Variants in UGT2B7 observed in about 807,000 individuals in gnomAD.
UGT2B7 encodes UDP-glucuronosyltransferase 2B7.
Under a neutral mutation model 51.9 loss-of-function variants are expected in UGT2B7, and 51 were observed. The observed-to-expected ratio is 0.98, with a 90% CI of 0.78 to 1.24. UGT2B7 has a LOEUF of 1.24. UGT2B7 is among the 50% of genes most tolerant of loss of function. UGT2B7 has a pLI of 0.00. For missense variants in UGT2B7, 727 were observed against 628.4 expected, an observed-to-expected ratio of 1.16 and a Z score of -1.68; for synonymous variants, 225 against 211.6, an observed-to-expected ratio of 1.06 and a Z score of -0.55.
At chr4:69,087,064 CTCTCTCTCTCTCTG>C (rs1235708230) in intron 1 of UGT2B7, among the ~76,000 whole-genome samples, 1 of 150,906 alleles carries the variant, frequency 6.6e-6, no homozygotes, top group East Asian at 1.9e-4. Flanking sequence ...CTCTCTTTCT[CTCTCTCTCTCTCTG>C]TCTCTCTCTC....
At chr4:69,103,230 G>T (rs976503728) in intron 3 of UGT2B7, among the ~76,000 whole-genome samples, 2 of 152,006 alleles carry the variant, frequency 1.3e-5, no homozygotes, top group Non-Finnish European at 2.9e-5. Context: ...ATAAAATTTT[G>T]AATTGTGTAT....
intron 1 of UGT2B7, chr4:69,069,689 C>T (rs1718560081): frequency 6.6e-6 from 1 of 152,048 alleles, no homozygotes; most frequent in Non-Finnish European, 1.5e-5. Flanking sequence ...TATGATCAGT[C>T]TCTGAAGCCA....
rs760768829 is a variant in UGT2B7 at position 69,108,155 on chromosome 4, C to T, written c.1143C>T (p.Tyr381=). ...FITHGGANGI[Y]EAIYHGIPMV... ...CTCATGGTGGAGCCAATGGCATCTACGAGGCAATCTACCATGGGATCCCTA... is the reference window on the plus strand; with the variant it reads ...CTCATGGTGGAGCCAATGGCATCTATGAGGCAATCTACCATGGGATCCCTA... The change falls in exon 5 of 6, where the codon TAC becomes TAT. Residue 381 remains tyrosine, a synonymous_variant. Coordinates refer to ENST00000305231, the MANE Select transcript of UGT2B7 (RefSeq NM_001074.4). 1.4e-5 allele frequency: 22 copies of T among 1,613,512 alleles called. No homozygotes were observed. Among genetic ancestry groups the T allele is most frequent in the Middle Eastern group, 1.6e-4 (1 of 6,076 alleles).
In UGT2B7 at chr4:69,108,425, G is replaced by A. The variant is rs1037133083; in HGVS notation, c.1310+103G>A. 7 of 1,321,486 alleles carry A rather than the reference G, an allele frequency of 5.3e-6. No homozygotes were observed. The African/African-American group carries it at 6.0e-5, about 11-fold the overall frequency. The allele number at this position is 1,321,486 out of a possible 1,614,324, so 81.9% of individuals were successfully genotyped here. On this transcript the variant is annotated intron_variant, in intron 5 of 5. Coordinates refer to ENST00000305231, the MANE Select transcript of UGT2B7 (RefSeq NM_001074.4). Reference sequence around the variant, plus strand: ...TTTTTATAAGAGACTAATTTTGAAAGAATTTAAATGATTTAACCAATCTGA... The same window carrying A: ...TTTTTATAAGAGACTAATTTTGAAAAAATTTAAATGATTTAACCAATCTGA...
At chr4:69,107,071 T>C in intron 3 of UGT2B7, 104 bp from the exon 4 acceptor site, 1 of 1,270,548 alleles carries the variant, frequency 7.9e-7, no homozygotes, top group Non-Finnish European at 1.1e-6. Flanking sequence ...GTAGTTCTTA[T>C]TTACTAACAT....
At chr4:69,106,380 C>T (rs1391551219) in intron 3 of UGT2B7, among the ~76,000 whole-genome samples, 1 of 152,102 alleles carries the variant, frequency 6.6e-6, no homozygotes, top group African/African-American at 2.4e-5. Flanking sequence ...TGTTAGTTTG[C>T]TAAGGATAAT....
rs971865355 is a variant in UGT2B7 at position 69,063,091 on chromosome 4, G to A, written c.-159+11489G>A. ...TCCCAGCACTTTGGGAGGCCGAGGC[G>A]GGCGGATCACGAGGTCAGGAGATCG... On this transcript the variant is annotated intron_variant, in intron 1 of 5. Transcript: ENST00000502942. Among the ~76,000 whole-genome samples, 6 of 146,000 alleles carry A rather than the reference G, an allele frequency of 4.1e-5. No homozygotes were observed. The East Asian group carries it at 5.9e-4, about 14-fold the overall frequency.
chr4:69,053,752 C>T (rs1192949065), intron 1 of UGT2B7, among the ~76,000 whole-genome samples: 2 of 152,044 alleles, frequency 1.3e-5, no homozygotes, highest in South Asian at 2.1e-4. Flanking sequence ...TAAGAATTTT[C>T]GAAAGGTTAT....
At chr4:69,056,464 A>T (rs1335803576) in intron 1 of UGT2B7, among the ~76,000 whole-genome samples, 2 of 152,178 alleles carry the variant, frequency 1.3e-5, no homozygotes, top group African/African-American at 2.4e-5. Context: ...AGAAAATTTA[A>T]CCTTACTAAT....
At chr4:69,104,011 A>G (rs1446951862) in intron 3 of UGT2B7, among the ~76,000 whole-genome samples, 2 of 152,170 alleles carry the variant, frequency 1.3e-5, no homozygotes, top group Non-Finnish European at 1.5e-5. Context: ...ACTATAGGCC[A>G]GGCACGGTAG....
Position 69,096,639 on chromosome 4 carries a change from A to G in UGT2B7, c.119A>G (p.Lys40Arg). Residue 40 changes from lysine to arginine, a missense_variant, in exon 1 of 6, where the codon AAG becomes AGG. Transcript: ENST00000305231. The stretch of plus-strand genomic sequence containing the variant: ...GAATACAGCCATTGGATGAATATAA[A>G]GACAATCCTGGATGAGCTTATTCAG... ...AAEYSHWMNI[K>R]TILDELIQRG... The G allele has an allele frequency of 1.2e-6, 2 of 1,614,032 alleles. No individual in the cohort carries two copies. The highest frequency in any genetic ancestry group is 1.7e-6 in the Non-Finnish European group (2 of 1,179,916).
chr4:69,056,473 ATTG>A (rs535283340), intron 1 of UGT2B7, among the ~76,000 whole-genome samples: 203 of 152,328 alleles, frequency 1.3e-3, no homozygotes, highest in African/African-American at 4.0e-3. Flanking sequence ...AACCTTACTA[ATTG>A]TTGTCTACAC....
At chr4:69,107,306 C>A in intron 4 of UGT2B7, 44 bp downstream of exon 4, 1 of 1,538,666 alleles carries the variant, frequency 6.5e-7, no homozygotes, top group Non-Finnish European at 8.9e-7. Context: ...AGTAACAGCA[C>A]ATTAGAGTGT....
chr4:69,063,179 C>T (rs554770702), intron 1 of UGT2B7, among the ~76,000 whole-genome samples: 181 of 150,826 alleles, frequency 1.2e-3, no homozygotes, highest in Admixed American at 3.0e-3. Flanking sequence ...ATTAGCCGGG[C>T]GTAGTGGCGG....
At chr4:69,100,130 G>T (rs922861785) in intron 2 of UGT2B7, among the ~76,000 whole-genome samples, 4 of 152,008 alleles carry the variant, frequency 2.6e-5, no homozygotes, top group Non-Finnish European at 5.9e-5. Context: ...TACCCTATGA[G>T]AGCAGATGAT....
chr4:69,108,223 C>T lies in UGT2B7; in HGVS notation c.1211C>T (p.Ala404Val). 6.2e-7 allele frequency: 1 copy of T among 1,613,762 alleles called. No individual in the cohort carries two copies. Among genetic ancestry groups the T allele is most frequent in the Non-Finnish European group, 8.5e-7 (1 of 1,179,756 alleles). ...PLFADQPDNIAHMKARGAAVR... is the reference protein window; with the variant it reads ...PLFADQPDNIVHMKARGAAVR... Reference sequence around the variant, plus strand: ...TTTGCCGATCAACCTGATAACATTGCTCACATGAAGGCCAGGGGAGCAGCT... The same window carrying T: ...TTTGCCGATCAACCTGATAACATTGTTCACATGAAGGCCAGGGGAGCAGCT... Residue 404 changes from alanine to valine, a missense_variant, in exon 5 of 6, where the codon GCT becomes GTT. By Grantham distance (64) the Ala-to-Val change is moderately conservative. Coordinates refer to ENST00000305231, the MANE Select transcript of UGT2B7 (RefSeq NM_001074.4).
chr4:69,072,976 G>C (rs1718631432), intron 1 of UGT2B7, among the ~76,000 whole-genome samples: 1 of 152,124 alleles, frequency 6.6e-6, no homozygotes, highest in Non-Finnish European at 1.5e-5. Flanking sequence ...TTTTGAAAGT[G>C]GGGGAATGTA....
Position 69,098,407 on chromosome 4 carries a change from G to T in UGT2B7, c.722-133G>T, listed in dbSNP as rs1577922124. On this transcript the variant is annotated intron_variant, in intron 1 of 5. Transcript: ENST00000305231. The stretch of plus-strand genomic sequence containing the variant: ...ATAAAATTAAATTATATCTATATAT[G>T]AATATGTGTATATATTTTTCAAAGC... 5.3e-6 allele frequency: 5 copies of T among 948,086 alleles called. No individual in the cohort carries two copies. The East Asian group carries it at 1.5e-4, about 28-fold the overall frequency. 58.7% of individuals were successfully genotyped at this position (948,086 alleles called of 1,614,324 possible). A position where few individuals can be genotyped will look rare whatever the true frequency, so the allele number is the denominator to read the frequency against.
intron 1 of UGT2B7, among the ~76,000 whole-genome samples, chr4:69,060,400 G>C (rs1028185523): frequency 6.6e-6 from 1 of 152,106 alleles, no homozygotes; most frequent in African/African-American, 2.4e-5. Context: ...CAAATTTCTC[G>C]CTCATGGCTA....
Sources: allele counts gnomAD v4.1 joint callset (sites outside exome capture counted in the v4.1 genomes callset), GRCh38; gene constraint gnomAD v4.1.1; transcripts MANE v1.5; gene names NCBI Gene and HGNC (gene_info 2026-07-23, HGNC 2026-07-21).